GCH1: variants seen among roughly 807,000 people sequenced by gnomAD.
GCH1 encodes the protein GTP cyclohydrolase 1, also known as GTP cyclohydrolase I.
Under a neutral mutation model 25.9 loss-of-function variants are expected in GCH1, and 5 were observed. The observed-to-expected ratio is 0.19, with a 90% CI of 0.10 to 0.41. The LOEUF (loss-of-function observed/expected upper bound fraction) is 0.41, where lower values mean the gene tolerates loss of function less well. GCH1 is among the 10% of genes least tolerant of loss of function. The pLI is 1.00. For missense variants in GCH1, 261 were observed against 336.5 expected (o/e 0.78, Z 1.75); for synonymous variants, 159 against 129.6 (o/e 1.23, Z -1.54).
chr14:54,847,486 G>A (rs1323353343), intron 3 of GCH1, among the ~76,000 whole-genome samples: 1 of 152,182 alleles, frequency 6.6e-6, no homozygotes, highest in East Asian at 1.9e-4. Context: ...GAAAAGGCAA[G>A]AGTGGCCTTG....
chr14:54,859,734 G>T lies in GCH1; in HGVS notation c.456C>A (p.Val152=). 2 of 1,572,888 alleles carry T rather than the reference G, an allele frequency of 1.3e-6. No individual in the cohort carries two copies. The highest frequency in any genetic ancestry group is 1.3e-5 in the African/African-American group (1 of 74,252). The stretch of plus-strand genomic sequence containing the variant: ...GCTTGTTAGGAAGATAACCAATATG[G>T]ACCTTCAGAGAAGAGACGGAAATCA... ...EHHLVPFVGK[V]HIGYLPNKQV... Residue 152 remains valine (V), a splice_region_variant and synonymous_variant, in exon 3 of 6, where the codon GTC becomes GTA. Transcript: ENST00000491895.
rs2040128029 is a variant in GCH1 at position 54,874,439 on chromosome 14, G to C, written c.344-9003C>G. Among the ~76,000 whole-genome samples, 7 of 152,332 alleles carry C rather than the reference G, an allele frequency of 4.6e-5. No individual in the cohort carries two copies. The South Asian group carries it at 1.4e-3, about 32-fold the overall frequency. On this transcript the variant is annotated intron_variant, in intron 1 of 5. Coordinates refer to ENST00000491895, the MANE Select transcript of GCH1 (RefSeq NM_000161.3). ...TCCCTTTGAAAACTGGCACAAGACA[G>C]GGATGTGCTCTCTCACCACTCCTAT... is the stretch of plus-strand genomic sequence containing the variant.
intron 3 of GCH1, among the ~76,000 whole-genome samples, chr14:54,852,213 C>T (rs1405208379): frequency 1.3e-5 from 2 of 152,210 alleles, no homozygotes; most frequent in Non-Finnish European, 2.9e-5. Context: ...AAGAATTAAG[C>T]TCCCATAGCA....
intron 1 of GCH1, among the ~76,000 whole-genome samples, chr14:54,873,583 T>C (rs912373487): frequency 1.1e-4 from 16 of 151,992 alleles, no homozygotes; most frequent in Middle Eastern, 6.8e-3. Context: ...ATCAATAAAA[T>C]TGATAGACCG....
At chr14:54,898,100 C>T (rs1476724700) in intron 1 of GCH1, among the ~76,000 whole-genome samples, 1 of 152,136 alleles carries the variant, frequency 6.6e-6, no homozygotes, top group Non-Finnish European at 1.5e-5. Context: ...GATATGTAGG[C>T]CAGGTGGGAT....
In GCH1 at chr14:54,842,516, C is replaced by T. The variant is rs993623097; in HGVS notation, c.*1501G>A. The T allele has an allele frequency of 6.5e-6, 1 of 152,694 alleles. No homozygotes were observed. The highest frequency in any genetic ancestry group is 2.4e-5 in the African/African-American group (1 of 41,386). The allele number at this position is 152,694 out of a possible 1,614,324, so 9.5% of individuals were successfully genotyped here. The stretch of plus-strand genomic sequence containing the variant: ...AGCCAACCATCACTGTACTTAAACT[C>T]CAGAAAGAAAAAGCTAGGAAACAGA... On this transcript the variant is annotated 3_prime_UTR_variant, in exon 6 of 6. Transcript: ENST00000491895.
intron 1 of GCH1, among the ~76,000 whole-genome samples, chr14:54,900,201 G>T (rs1354328718): frequency 6.7e-6 from 1 of 149,272 alleles, no homozygotes; most frequent in Non-Finnish European, 1.5e-5. Context: ...GACCAGAACA[G>T]TTTTTTTGTT....
intron 4 of GCH1, among the ~76,000 whole-genome samples, chr14:54,846,337 A>G (rs905301208): frequency 1.3e-5 from 2 of 152,244 alleles, no homozygotes; most frequent in African/African-American, 4.8e-5. Flanking sequence ...TTTAATTCAT[A>G]CAGGAATATT....
chr14:54,888,793 G>A (rs1450342182), intron 1 of GCH1, among the ~76,000 whole-genome samples: 1 of 151,914 alleles, frequency 6.6e-6, no homozygotes, highest in Non-Finnish European at 1.5e-5. Flanking sequence ...AAAGTGCTGG[G>A]ATTACAGGCA....
rs67311353 is a variant in GCH1, at chr14:54,861,721, C to CA, written c.454-1986dup. 6.1e-3 allele frequency among the ~76,000 whole-genome samples: 814 copies of CA among 133,444 alleles called. 3 individuals carry two copies. The highest frequency in any genetic ancestry group is 0.032 in the Middle Eastern group (7 of 220). The allele number at this position is 133,444 out of a possible 152,430, so 87.5% of individuals were successfully genotyped here. ...CTAGGCAACAAGAGCGAAACTGTCT[C>CA]AAAAAAAAAAAAAAAATCACTAAAT... is the stretch of plus-strand genomic sequence containing the variant. On this transcript the variant is annotated intron_variant, in intron 2 of 5. Transcript: ENST00000491895.
intron 1 of GCH1, among the ~76,000 whole-genome samples, chr14:54,870,573 A>G (rs998058646): frequency 3.9e-5 from 6 of 152,208 alleles, no homozygotes; most frequent in African/African-American, 1.4e-4. Context: ...GGGAAGCACA[A>G]GGGGTCAGGG....
intron 2 of GCH1, among the ~76,000 whole-genome samples, chr14:54,863,704 C>T (rs1456425921): frequency 2.6e-5 from 4 of 152,068 alleles, no homozygotes; most frequent in Admixed American, 2.6e-4. Flanking sequence ...TTTCCACTTA[C>T]ATATAGTTGA....
intron 1 of GCH1, among the ~76,000 whole-genome samples, chr14:54,883,649 A>C (rs1322950870): frequency 6.6e-6 from 1 of 152,150 alleles, no homozygotes; most frequent in Non-Finnish European, 1.5e-5. Flanking sequence ...ACTGCACTCC[A>C]GCCTGGGAGA....
chr14:54,843,718 A>C lies in GCH1; in HGVS notation c.*299T>G. On this transcript the variant is annotated 3_prime_UTR_variant, in exon 6 of 6. Coordinates refer to ENST00000491895, the MANE Select transcript of GCH1 (RefSeq NM_000161.3). ...TTACTGTACTATTTGAAAAAAATAC[A>C]CTAATTCTTCTCCCTTCCCAGGCCC... The C allele has an allele frequency of 1.2e-6, 2 of 1,611,516 alleles. No homozygotes were observed. Among genetic ancestry groups the C allele is most frequent in the South Asian group, 2.2e-5 (2 of 90,124 alleles).
At position 54,897,993 on chromosome 14, in the gene GCH1, G is replaced by A. The variant is rs116600409; in HGVS notation, c.343+4328C>T. 6.6e-3 allele frequency among the ~76,000 whole-genome samples: 1,000 copies of A among 152,236 alleles called. 9 individuals are homozygous for A. Among genetic ancestry groups the A allele is most frequent in the African/African-American group, 0.023 (949 of 41,552 alleles). ...AGCCTATTACACACCTAGGCTACAC[G>A]GTAGAGCCTATTATTCCTAGGCTAC... On this transcript the variant is annotated intron_variant, in intron 1 of 5. Transcript: ENST00000491895.
chr14:54,848,135 T>C (rs1484445775), intron 3 of GCH1, among the ~76,000 whole-genome samples: 1 of 145,756 alleles, frequency 6.9e-6, no homozygotes, highest in Admixed American at 6.7e-5. Flanking sequence ...TAAATTTTCC[T>C]CTTTTTTTTT....
intron 3 of GCH1, among the ~76,000 whole-genome samples, chr14:54,856,530 G>A (rs1254379840): frequency 6.6e-6 from 1 of 152,140 alleles, no homozygotes; most frequent in African/African-American, 2.4e-5. Flanking sequence ...TCGGCTCACT[G>A]CAACCTCCGC....
At chr14:54,857,127 A>AT (rs2039824062) in intron 3 of GCH1, among the ~76,000 whole-genome samples, 1 of 152,086 alleles carries the variant, frequency 6.6e-6, no homozygotes, top group Non-Finnish European at 1.5e-5. Context: ...CTTTATTCAA[A>AT]TTTTTTGCAA....
chr14:54,895,268 G>A (rs1039554604), intron 1 of GCH1, among the ~76,000 whole-genome samples: 2 of 152,216 alleles, frequency 1.3e-5, no homozygotes, highest in African/African-American at 4.8e-5. Context: ...CCCTCACAGG[G>A]AAGCAGTCAG....
Sources: allele counts gnomAD v4.1 joint callset (sites outside exome capture counted in the v4.1 genomes callset), GRCh38; gene constraint gnomAD v4.1.1; transcripts MANE v1.5; gene names NCBI Gene and HGNC (gene_info 2026-07-23, HGNC 2026-07-21).